The following TNNI1 variants were observed in gnomAD, a reference collection of about 807,000 sequenced individuals.
TNNI1 encodes troponin I1, slow skeletal type.
In TNNI1, 14 loss-of-function variants were observed where a neutral mutation model predicts 26.7. The observed-to-expected ratio is 0.52, with a 90% CI of 0.35 to 0.82. The LOEUF is 0.82. Among genes scored for constraint, TNNI1 ranks in the 40% least tolerant of loss-of-function variants. TNNI1 has a pLI of 0.01. For missense variants in TNNI1, 164 were observed against 257.0 expected, an observed-to-expected ratio of 0.64 and a Z score of 2.47; for synonymous variants, 79 against 98.2, an observed-to-expected ratio of 0.80 and a Z score of 1.16.
At position 201,415,331 on chromosome 1, in the gene TNNI1, G is replaced by C. The variant is rs1038372484; in HGVS notation, c.16-77C>G. On this transcript the variant is annotated intron_variant, in intron 3 of 8. Transcript: ENST00000361379. ...GGAATTCTGGTCTAGGACAAGACAA[G>C]TGCCAGCCAGCGTTCTCTATCTTTA... is the stretch of plus-strand genomic sequence containing the variant. 6 of 1,464,010 alleles carry C rather than the reference G, an allele frequency of 4.1e-6. No homozygotes were observed. In the East Asian group the frequency reaches 1.1e-4, roughly 28 times the overall value. 90.7% of individuals were successfully genotyped at this position (1,464,010 alleles called of 1,614,324 possible). A position where few individuals can be genotyped will look rare whatever the true frequency, so the allele number is the denominator to read the frequency against.
intron 3 of TNNI1, 53 bp from the exon 4 acceptor site, chr1:201,415,307 G>T: frequency 6.3e-7 from 1 of 1,589,166 alleles, no homozygotes; most frequent in Non-Finnish European, 8.6e-7. Context: ...TGCAGAACTG[G>T]AATTCTGGTC....
rs1662643276 is a variant in TNNI1, at chr1:201,411,984, C to T, written c.280-451G>A. 6.6e-6 allele frequency among the ~76,000 whole-genome samples: 1 copy of T among 152,184 alleles called. No homozygotes were observed. The highest frequency in any genetic ancestry group is 1.5e-5 in the Non-Finnish European group (1 of 68,032). ...GCCACGGACAGGTACTGGTCCACAG[C>T]CCAAGAGTTGGAGATCCCTGCTCTA... On this transcript the variant is annotated intron_variant, in intron 6 of 8. Coordinates refer to ENST00000361379, the MANE Select transcript of TNNI1 (RefSeq NM_003281.4). The surrounding 1 kb of genome is among the most constrained non-coding windows in gnomAD (Gnocchi z 4.6).
Position 201,405,697 on chromosome 1 carries a change from C to G in TNNI1, c.*3556G>C, listed in dbSNP as rs913083152. ...CTGCTGCTGAGTGGGCTCAGACACA[C>G]AGCTGAGCTTGGCCTCCTTGCGCCG... On this transcript the variant is annotated 3_prime_UTR_variant, in exon 9 of 9. Transcript: ENST00000361379. The G allele has an allele frequency of 6.5e-6, 1 of 152,860 alleles. No homozygotes were observed. Among genetic ancestry groups the G allele is most frequent in the African/African-American group, 2.4e-5 (1 of 41,470 alleles). 9.5% of individuals were successfully genotyped at this position (152,860 alleles called of 1,614,324 possible). A position where few individuals can be genotyped will look rare whatever the true frequency, so the allele number is the denominator to read the frequency against.
At position 201,410,356 on chromosome 1, in the gene TNNI1, T is replaced by C; in HGVS notation, c.536A>G (p.Asp179Gly). 6.2e-7 allele frequency: 1 copy of C among 1,614,134 alleles called. No individual in the cohort carries two copies. The highest frequency in any genetic ancestry group is 8.5e-7 in the Non-Finnish European group (1 of 1,180,022). ...SGMEGRKKMF[D>G]AAKSPTSQ ...TTGTGAGGTCGGAGACTTGGCGGCA[T>C]CAAACATCTTCTTCCGGCCTTCCAT... Residue 179 changes from aspartate to glycine, a missense_variant, in exon 8 of 9, where the codon GAT becomes GGT. By Grantham distance (94) the Asp-to-Gly change is moderately conservative. Coordinates refer to ENST00000361379, the MANE Select transcript of TNNI1 (RefSeq NM_003281.4).
In TNNI1 at chr1:201,414,668, C is replaced by T. The variant is rs779150238; in HGVS notation, c.58-19G>A. ...TCAGGCTCTGGACAGGACACACCTG[C>T]TGAGCTGGGGGCCTCACATCTCCCA... On this transcript the variant is annotated intron_variant, in intron 4 of 8. Coordinates refer to ENST00000361379, the MANE Select transcript of TNNI1 (RefSeq NM_003281.4). 5.6e-6 allele frequency: 9 copies of T among 1,608,758 alleles called. No individual in the cohort carries two copies. Among genetic ancestry groups the T allele is most frequent in the Non-Finnish European group, 7.6e-6 (9 of 1,177,336 alleles).
In TNNI1 at chr1:201,404,417, C is replaced by A. The variant is rs1662476550; in HGVS notation, c.*4836G>T. On this transcript the variant is annotated 3_prime_UTR_variant, in exon 9 of 9. Coordinates refer to ENST00000361379, the MANE Select transcript of TNNI1 (RefSeq NM_003281.4). ...AATGAATGAGGTGATAAGACCCACG[C>A]CCTAAAGAATCCAGGGCAGTAAGCT... The A allele has an allele frequency of 6.6e-6, 1 of 152,146 alleles. No individual in the cohort carries two copies. Among genetic ancestry groups the A allele is most frequent in the Non-Finnish European group, 1.5e-5 (1 of 68,036 alleles). 9.4% of individuals were successfully genotyped at this position (152,146 alleles called of 1,614,324 possible). A position where few individuals can be genotyped will look rare whatever the true frequency, so the allele number is the denominator to read the frequency against.
At chr1:201,414,066 C>G (rs905519746) in intron 5 of TNNI1, among the ~76,000 whole-genome samples, 11 of 152,224 alleles carry the variant, frequency 7.2e-5, no homozygotes, top group Non-Finnish European at 1.3e-4. Flanking sequence ...GATGCCACCA[C>G]CCAGGGATAC....
chr1:201,420,396 A>G (rs1005154976), intron 1 of TNNI1, among the ~76,000 whole-genome samples: 8 of 152,062 alleles, frequency 5.3e-5, no homozygotes, highest in Admixed American at 5.2e-4. Context: ...TCTCCTCTAC[A>G]AGTAGCAAGC....
intron 6 of TNNI1, among the ~76,000 whole-genome samples, chr1:201,412,482 C>T (rs1199975159): frequency 6.6e-6 from 1 of 152,190 alleles, no homozygotes; most frequent in Non-Finnish European, 1.5e-5. Context: ...CTCTGCTCTG[C>T]CCCTCCCCAC....
rs1303376983 is a variant in TNNI1, at chr1:201,417,715, GC to G, written c.11+67del. Reference sequence around the variant, plus strand: ...GGGTTGAAAACATGGTGCCTCCACTGCGGGGCTGAAGTCTGTGGCAAAGGGA... The same window carrying G: ...GGGTTGAAAACATGGTGCCTCCACTGGGGGCTGAAGTCTGTGGCAAAGGGA... On this transcript the variant is annotated intron_variant, in intron 2 of 8. Coordinates refer to ENST00000361379, the MANE Select transcript of TNNI1 (RefSeq NM_003281.4). 5.5e-6 allele frequency: 7 copies of G among 1,284,298 alleles called. No homozygotes were observed. In the Admixed American group the frequency reaches 2.1e-4, roughly 39 times the overall value. The allele number at this position is 1,284,298 out of a possible 1,614,324, so 79.6% of individuals were successfully genotyped here. A position where few individuals can be genotyped will look rare whatever the true frequency, so the allele number is the denominator to read the frequency against.
intron 5 of TNNI1, 142 bp from the exon 6 acceptor site, chr1:201,413,263 A>C: frequency 1.2e-6 from 1 of 800,944 alleles, no homozygotes; most frequent in Non-Finnish European, 2.1e-6. Context: ...TCTGAGGCTC[A>C]TGACGGGCAA....
At chr1:201,417,870 G>A (rs112071533) in intron 1 of TNNI1, 58 bp from the exon 2 acceptor site, 6 of 1,270,634 alleles carry the variant, frequency 4.7e-6, no homozygotes, top group Non-Finnish European at 6.1e-6. Flanking sequence ...CCCCTGCCCA[G>A]CTGGGCCTTG....
chr1:201,421,596 T>C (rs1314452397), intron 1 of TNNI1, 77 bp downstream of exon 1: 1 of 152,200 alleles, frequency 6.6e-6, no homozygotes, highest in African/African-American at 2.4e-5. Flanking sequence ...AAGACCTCGC[T>C]TTCTCCTTAA....
At chr1:201,416,974 A>T in intron 3 of TNNI1, 142 bp downstream of exon 3, 1 of 942,006 alleles carries the variant, frequency 1.1e-6, no homozygotes, top group Non-Finnish European at 1.7e-6. Context: ...GAATTTGTTC[A>T]GCCACTAAAT....
At chr1:201,416,973 C>A in intron 3 of TNNI1, 143 bp downstream of exon 3, 2 of 937,538 alleles carry the variant, frequency 2.1e-6, no homozygotes, top group South Asian at 1.4e-5. Context: ...GGAATTTGTT[C>A]AGCCACTAAA....
Position 201,411,339 on chromosome 1 carries a change from TGAG to T in TNNI1, c.456+15_456+17del. 6.2e-7 allele frequency: 1 copy of T among 1,613,056 alleles called. No individual in the cohort carries two copies. The highest frequency in any genetic ancestry group is 1.7e-4 in the Middle Eastern group (1 of 6,042). ...TGGTAGGGCAGAGGGTGGAATGTTC[TGAG>T]GAAAGGGACCTCACCTTCTCTGTGT... On this transcript the variant is annotated intron_variant, in intron 7 of 8. Coordinates refer to ENST00000361379, the MANE Select transcript of TNNI1 (RefSeq NM_003281.4). The surrounding 1 kb of genome is among the most constrained non-coding windows in gnomAD (Gnocchi z 4.6).
intron 1 of TNNI1, among the ~76,000 whole-genome samples, chr1:201,420,692 C>T (rs544845428): frequency 6.6e-6 from 1 of 152,212 alleles, no homozygotes; most frequent in South Asian, 2.1e-4. Context: ...CCCCCTGCTC[C>T]CCGCCCCCTG....
chr1:201,414,448 GCC>G, intron 5 of TNNI1, 68 bp downstream of exon 5: 1 of 1,380,502 alleles, frequency 7.2e-7, no homozygotes, highest in Non-Finnish European at 9.6e-7. Flanking sequence ...GGCTCCTGCC[GCC>G]TGGTCCTTGG....
intron 6 of TNNI1, 137 bp downstream of exon 6, chr1:201,412,895 G>A: frequency 2.4e-6 from 2 of 841,182 alleles, no homozygotes; most frequent in Non-Finnish European, 4.0e-6. Context: ...GGCTAGGGCA[G>A]ACAAACCAAA....
Sources: gnomAD v4.1 joint callset for allele counts (sites outside exome capture counted in the v4.1 genomes callset) on GRCh38, gnomAD v4.1.1 for gene constraint, Gnocchi (gnomAD v3.1) non-coding constraint, MANE v1.5 for transcripts, NCBI Gene and HGNC (gene_info 2026-07-23, HGNC 2026-07-21) for gene names.